Variants in KLHL13 observed in about 807,000 individuals in gnomAD.
The protein encoded by KLHL13 is kelch like family member 13, also known as kelch-like protein 13.
Under a neutral mutation model 37.1 loss-of-function variants are expected in KLHL13, and 10 were observed. The observed-to-expected ratio is 0.27, with a 90% CI of 0.17 to 0.46. The LOEUF (loss-of-function observed/expected upper bound fraction) is 0.46, where lower values mean the gene tolerates loss of function less well. Among genes scored for constraint, KLHL13 ranks in the 20% least tolerant of loss-of-function variants. KLHL13 has a pLI of 1.00. For synonymous variants in KLHL13, 163 were observed against 181.2 expected (o/e 0.90, Z 0.81); for missense variants, 360 against 509.3 (o/e 0.71, Z 2.82).
In KLHL13 at chrX:118,008,985, A is replaced by G. The variant is rs186987886; in HGVS notation, c.-55-63410T>C. Among the ~76,000 whole-genome samples the G allele has an allele frequency of 5.3e-5, 6 of 112,218 alleles. No homozygotes were observed. The East Asian group carries it at 1.7e-3, about 31-fold the overall frequency. ...AGCTATTATAATGACTCTTGCCAAT[A>G]CAACTACTATGAGTACTGGGACTTC... On this transcript the variant is annotated intron_variant, in intron 1 of 6. Coordinates refer to the KLHL13 transcript ENST00000371882.
At chrX:118,037,794 G>C (rs1415265744) in intron 1 of KLHL13, among the ~76,000 whole-genome samples, 1 of 111,602 alleles carries the variant, frequency 9.0e-6, no homozygotes, top group African/African-American at 3.3e-5. Context: ...ATATGGGGAT[G>C]GAAGAGAGAT....
At chrX:117,964,380 TG>T (rs2053373496) in intron 1 of KLHL13, among the ~76,000 whole-genome samples, 1 of 111,839 alleles carries the variant, frequency 8.9e-6, no homozygotes, top group Non-Finnish European at 1.9e-5. Context: ...CTGTTTGTCT[TG>T]GTTCCAAATT....
chrX:117,974,090 C>T (rs972057819), upstream of KLHL13, among the ~76,000 whole-genome samples: 1 of 111,305 alleles, frequency 9.0e-6, no homozygotes, highest in African/African-American at 3.3e-5. Flanking sequence ...GTTGTAAATG[C>T]CCTGAAAGTG....
At position 118,066,799 on chromosome X, in the gene KLHL13, C is replaced by T. The variant is rs527969653; in HGVS notation, c.-56+49709G>A. 3.2e-4 allele frequency among the ~76,000 whole-genome samples: 36 copies of T among 111,691 alleles called. No individual in the cohort carries two copies. The Middle Eastern group carries it at 0.014, about 44-fold the overall frequency. ...TTACAACTCTACAATGAAAGAAAATCTAGTTTTTTTCCTTAATGGGCAAAA... is the reference window on the plus strand; with the variant it reads ...TTACAACTCTACAATGAAAGAAAATTTAGTTTTTTTCCTTAATGGGCAAAA... On this transcript the variant is annotated intron_variant, in intron 1 of 6. Transcript: ENST00000371882.
intron 1 of KLHL13, among the ~76,000 whole-genome samples, chrX:118,032,753 C>T (rs2054373283): frequency 1.8e-5 from 2 of 112,276 alleles, no homozygotes; most frequent in Non-Finnish European, 3.8e-5. Flanking sequence ...ATGACTTTGA[C>T]GAGCTGAGAG....
chrX:118,012,526 G>A (rs1298128555), intron 1 of KLHL13, among the ~76,000 whole-genome samples: 1 of 109,794 alleles, frequency 9.1e-6, no homozygotes, highest in East Asian at 2.8e-4. Flanking sequence ...CCTTTTATAA[G>A]GATCCTTGTG....
upstream of KLHL13, among the ~76,000 whole-genome samples, chrX:117,977,611 A>G (rs1289105396): frequency 8.9e-6 from 1 of 112,157 alleles, no homozygotes; most frequent in African/African-American, 3.2e-5. Flanking sequence ...ATGAACAGGC[A>G]CTGTGTAATC....
chrX:118,048,234 G>A (rs1274870508), intron 1 of KLHL13, among the ~76,000 whole-genome samples: 1 of 111,681 alleles, frequency 9.0e-6, no homozygotes, highest in African/African-American at 3.2e-5. Flanking sequence ...GGAGATACTA[G>A]AGCAGGTAAA....
At chrX:117,905,224 T>C (rs1046823854) in intron 5 of KLHL13, among the ~76,000 whole-genome samples, 1 of 111,776 alleles carries the variant, frequency 8.9e-6, no homozygotes, top group Admixed American at 9.5e-5. Flanking sequence ...TTTCTATAAG[T>C]TATTTCATTA....
intron 2 of KLHL13, among the ~76,000 whole-genome samples, chrX:117,936,326 T>C (rs993852792): frequency 3.6e-5 from 4 of 111,575 alleles, no homozygotes; most frequent in African/African-American, 1.3e-4. Flanking sequence ...AATCCAAGCC[T>C]GTTAGGTATC....
intron 1 of KLHL13, among the ~76,000 whole-genome samples, chrX:118,059,102 G>C (rs2054714920): frequency 1.8e-5 from 2 of 111,601 alleles, no homozygotes; most frequent in South Asian, 7.5e-4. Flanking sequence ...AACATAAGAA[G>C]AGTACAACAA....
chrX:117,982,380 C>G (rs1478552084), intron 1 of KLHL13, among the ~76,000 whole-genome samples: 1 of 111,135 alleles, frequency 9.0e-6, no homozygotes, highest in Admixed American at 9.6e-5. Context: ...TAAAATACGT[C>G]AAAGTCACCA....
At chrX:117,985,730 C>T (rs1433112493) in intron 1 of KLHL13, among the ~76,000 whole-genome samples, 2 of 110,579 alleles carry the variant, frequency 1.8e-5, no homozygotes, top group African/African-American at 3.3e-5. Context: ...CACTATCCTG[C>T]TATTTGTTGT....
At chrX:117,929,361 C>A (rs1284649500) in intron 2 of KLHL13, among the ~76,000 whole-genome samples, 4 of 111,086 alleles carry the variant, frequency 3.6e-5, no homozygotes, top group African/African-American at 1.3e-4. Context: ...TAAAACCAGA[C>A]AAGACAATCA....
chrX:118,098,000 A>T (rs1227460663), intron 1 of KLHL13, among the ~76,000 whole-genome samples: 2 of 111,979 alleles, frequency 1.8e-5, no homozygotes, highest in Admixed American at 1.9e-4. Context: ...AGGCAATACC[A>T]TTCAGAACAT....
At chrX:118,048,168 G>T (rs2054578396) in intron 1 of KLHL13, among the ~76,000 whole-genome samples, 1 of 111,451 alleles carries the variant, frequency 9.0e-6, no homozygotes, top group African/African-American at 3.3e-5. Context: ...GGTGGCAGTT[G>T]GATGAGACAT....
At chrX:118,072,017 A>G (rs1329441147) in intron 1 of KLHL13, among the ~76,000 whole-genome samples, 3 of 105,919 alleles carry the variant, frequency 2.8e-5, no homozygotes, top group East Asian at 2.9e-4. Context: ...AGCCTGCATC[A>G]CCAAGTCAAT....
chrX:117,990,924 G>T (rs188652766), intron 1 of KLHL13, among the ~76,000 whole-genome samples: 385 of 111,091 alleles, frequency 3.5e-3, no homozygotes, highest in Non-Finnish European at 5.6e-3. Flanking sequence ...GAAATATCAA[G>T]AATATTTACA....
At chrX:118,086,525 A>T (rs756700871) in intron 1 of KLHL13, among the ~76,000 whole-genome samples, 1 of 111,942 alleles carries the variant, frequency 8.9e-6, no homozygotes, top group East Asian at 2.8e-4. Context: ...ATTATATCTC[A>T]ATTTTTTTAA....
Sources: allele counts gnomAD v4.1 joint callset (sites outside exome capture counted in the v4.1 genomes callset), GRCh38; gene constraint gnomAD v4.1.1; transcripts MANE v1.5; gene names NCBI Gene and HGNC (gene_info 2026-07-23, HGNC 2026-07-21).